Variants in ABCC4 observed in about 807,000 individuals in gnomAD.
The protein encoded by ABCC4 is ATP binding cassette subfamily C member 4 (PEL blood group), also known as ATP-binding cassette sub-family C member 4.
Under a neutral mutation model 168.5 loss-of-function variants are expected in ABCC4, and 102 were observed. That is an observed-to-expected ratio of 0.61 (90% CI 0.52 to 0.71). ABCC4 has a LOEUF of 0.71. Ranked by LOEUF, ABCC4 falls within the 30% of genes least tolerant of loss-of-function variation. The pLI, the probability that ABCC4 is intolerant of heterozygous loss-of-function variation, is 0.00. For synonymous variants in ABCC4, 617 were observed against 590.7 expected, an observed-to-expected ratio of 1.04 and a Z score of -0.65; for missense variants, 1,402 against 1,605.8, an observed-to-expected ratio of 0.87 and a Z score of 2.17.
At chr13:95,237,115 C>A (rs371323640) in intron 3 of ABCC4, among the ~76,000 whole-genome samples, 50 of 152,270 alleles carry the variant, frequency 3.3e-4, no homozygotes, top group African/African-American at 1.2e-3. Flanking sequence ...AGAGGGATGA[C>A]CCCCAGAGGA....
At chr13:95,264,828 A>C (rs962489867) in intron 1 of ABCC4, among the ~76,000 whole-genome samples, 10 of 150,916 alleles carry the variant, frequency 6.6e-5, no homozygotes, top group African/African-American at 2.4e-5. Context: ...ACATGCACTA[A>C]AATTTAGGTA....
intron 4 of ABCC4, 79 bp from the exon 5 acceptor site, chr13:95,210,860 A>AAG (rs2138675964): frequency 1.9e-6 from 2 of 1,064,498 alleles, no homozygotes; most frequent in Non-Finnish European, 2.8e-6. Flanking sequence ...AGACCTGAGG[A>AAG]AGTCTCGTGT....
At chr13:95,104,910 C>T (rs1431678548) in intron 20 of ABCC4, among the ~76,000 whole-genome samples, 1 of 152,146 alleles carries the variant, frequency 6.6e-6, no homozygotes. Flanking sequence ...GCACCAGGGA[C>T]TGGTTTCGCG....
intron 1 of ABCC4, among the ~76,000 whole-genome samples, chr13:95,248,502 T>C (rs1333002409): frequency 7.2e-6 from 1 of 139,510 alleles, no homozygotes; most frequent in Non-Finnish European, 1.6e-5. Flanking sequence ...GAGATTCTTT[T>C]TACTAAAAAA....
rs149024948 is a variant in ABCC4, at chr13:95,073,230, G to A, written c.2992C>T (p.Arg998Ter). ...TLMGMFQWCV[R>*]QSAEVENMMI... ...ATATTCTCAACTTCAGCACTTTGTC[G>A]AACACACCACTGAAACATCCCCATG... The change falls in exon 24 of 31, where the codon CGA becomes TGA. Residue 998 changes from arginine (R) to a stop codon, truncating the protein, a stop_gained. Coordinates refer to ENST00000645237, the MANE Select transcript of ABCC4 (RefSeq NM_005845.5). LOFTEE classifies it high-confidence loss of function. The A allele has an allele frequency of 5.6e-6, 9 of 1,613,584 alleles. No individual in the cohort carries two copies. Among genetic ancestry groups the A allele is most frequent in the African/African-American group, 2.7e-5 (2 of 74,960 alleles).
chr13:95,137,253 C>T (rs1566454399), intron 19 of ABCC4, among the ~76,000 whole-genome samples: 1 of 152,208 alleles, frequency 6.6e-6, no homozygotes, highest in East Asian at 1.9e-4. Flanking sequence ...TAAGAGCTCT[C>T]ACCAGGAAGG....
At position 95,073,187 on chromosome 13, in the gene ABCC4, G is replaced by C; in HGVS notation, c.3018+17C>G. On this transcript the variant is annotated intron_variant, in intron 24 of 30. Transcript: ENST00000645237. Reference sequence around the variant, plus strand: ...CAAGGAGATTGAAAAGGCAAAGAACGTGAAGGTAAATATTACCATATTCTC... The same window carrying C: ...CAAGGAGATTGAAAAGGCAAAGAACCTGAAGGTAAATATTACCATATTCTC... The C allele has an allele frequency of 6.3e-7, 1 of 1,594,172 alleles. No individual in the cohort carries two copies. Among genetic ancestry groups the C allele is most frequent in the Non-Finnish European group, 8.6e-7 (1 of 1,162,900 alleles).
At chr13:95,071,117 T>C (rs1343562316) in intron 25 of ABCC4, among the ~76,000 whole-genome samples, 1 of 152,132 alleles carries the variant, frequency 6.6e-6, no homozygotes, top group East Asian at 1.9e-4. Context: ...AAGATGTGAC[T>C]TGCTCCTCCT....
At chr13:95,060,698 A>T (rs921588776) in intron 26 of ABCC4, among the ~76,000 whole-genome samples, 1 of 152,228 alleles carries the variant, frequency 6.6e-6, no homozygotes, top group Non-Finnish European at 1.5e-5. Flanking sequence ...CCTGAAAGGG[A>T]TACTTTTTTT....
intron 29 of ABCC4, among the ~76,000 whole-genome samples, chr13:95,041,167 G>A (rs768055048): frequency 1.3e-5 from 2 of 152,188 alleles, no homozygotes; most frequent in African/African-American, 4.8e-5. Context: ...ACTGTTTTGT[G>A]GCAACTGAGC....
chr13:95,272,571 C>A (rs529063432), intron 1 of ABCC4, among the ~76,000 whole-genome samples: 1 of 152,168 alleles, frequency 6.6e-6, no homozygotes, highest in African/African-American at 2.4e-5. Context: ...CACAAGGCCA[C>A]AGATTGATTT....
chr13:95,056,560 A>C (rs2033062477), intron 26 of ABCC4, among the ~76,000 whole-genome samples: 1 of 152,026 alleles, frequency 6.6e-6, no homozygotes, highest in Non-Finnish European at 1.5e-5. Context: ...CAAAGGACTG[A>C]CTGCATTAGG....
rs939481363 is a variant in ABCC4, at chr13:95,034,405, C to A, written c.3870+200G>T. On this transcript the variant is annotated intron_variant, in intron 30 of 30. Coordinates refer to ENST00000645237, the MANE Select transcript of ABCC4 (RefSeq NM_005845.5). ...TGTGTGCACACACTCGACCCCCCAA[C>A]CCCTACCCGCTTCTGCCAACTCTTT... 3.3e-5 allele frequency among the ~76,000 whole-genome samples: 5 copies of A among 152,234 alleles called. No homozygotes were observed. The East Asian group carries it at 7.7e-4, about 23-fold the overall frequency.
intron 8 of ABCC4, among the ~76,000 whole-genome samples, chr13:95,205,002 C>G (rs1376066847): frequency 6.6e-6 from 1 of 152,154 alleles, no homozygotes; most frequent in Non-Finnish European, 1.5e-5. Context: ...CCTGCACACT[C>G]AGAAAGATAC....
chr13:95,024,983 A>G (rs1388927680), intron 30 of ABCC4, among the ~76,000 whole-genome samples: 2 of 152,016 alleles, frequency 1.3e-5, no homozygotes, highest in Non-Finnish European at 2.9e-5. Flanking sequence ...AGCAAGCCTC[A>G]ACAATCATAG....
At chr13:95,243,491 G>A (rs1310766375) in intron 3 of ABCC4, among the ~76,000 whole-genome samples, 1 of 152,200 alleles carries the variant, frequency 6.6e-6, no homozygotes, top group African/African-American at 2.4e-5. Flanking sequence ...AGACAACTGG[G>A]AATGGTGTCT....
chr13:95,248,055 G>A (rs1204991748), intron 1 of ABCC4, among the ~76,000 whole-genome samples: 1 of 151,892 alleles, frequency 6.6e-6, no homozygotes, highest in African/African-American at 2.4e-5. Flanking sequence ...AGGAACCAGA[G>A]CTTCCTGAAG....
Position 95,209,702 on chromosome 13 carries a change from C to A in ABCC4, c.622-105G>T, listed in dbSNP as rs1183432145. On this transcript the variant is annotated intron_variant, in intron 5 of 30. Transcript: ENST00000645237. ...GGAAAAGAACAGGCAAGATCCTAAA[C>A]AGAAATGGCCACAGTGGGTTTACAC... 2.7e-6 allele frequency: 3 copies of A among 1,115,268 alleles called. No individual in the cohort carries two copies. In the East Asian group the frequency reaches 8.0e-5, roughly 30 times the overall value. 69.1% of individuals were successfully genotyped at this position (1,115,268 alleles called of 1,614,324 possible).
chr13:95,255,644 C>T (rs78854846), intron 1 of ABCC4, among the ~76,000 whole-genome samples: 29 of 152,300 alleles, frequency 1.9e-4, no homozygotes, highest in East Asian at 1.4e-3. Context: ...TCCTAAAACA[C>T]GCTCAAAGCC....
Sources: allele counts gnomAD v4.1 joint callset (sites outside exome capture counted in the v4.1 genomes callset), GRCh38; gene constraint gnomAD v4.1.1; transcripts MANE v1.5; gene names NCBI Gene and HGNC (gene_info 2026-07-23, HGNC 2026-07-21).